UNC79: variants seen among roughly 807,000 people sequenced by gnomAD.
The protein encoded by UNC79 is protein unc-79 homolog.
Under a neutral mutation model 283.1 loss-of-function variants are expected in UNC79, and 37 were observed. The ratio of observed to expected loss-of-function variants is 0.13; its 90% CI spans 0.10 to 0.17. UNC79 has a LOEUF of 0.17. UNC79 is among the 10% of genes least tolerant of loss of function. The pLI is 1.00. For missense variants in UNC79, 2,272 were observed against 3,211.1 expected, an observed-to-expected ratio of 0.71 and a Z score of 7.07; for synonymous variants, 1,107 against 1,200.2, an observed-to-expected ratio of 0.92 and a Z score of 1.61.
At chr14:93,615,720 C>CAAAAAAAAAAAAAAA (rs1158073507) in intron 27 of UNC79, among the ~76,000 whole-genome samples, 5 of 23,284 alleles carry the variant, frequency 2.1e-4, no homozygotes, top group Non-Finnish European at 3.2e-4. Flanking sequence ...GACTCCATCT[C>CAAAAAAAAAAAAAAA]AAAAAAAAAA....
At chr14:93,562,362 G>A (rs1314023552) in intron 14 of UNC79, among the ~76,000 whole-genome samples, 2 of 152,158 alleles carry the variant, frequency 1.3e-5, no homozygotes, top group East Asian at 1.9e-4. Flanking sequence ...CTATCCTGCC[G>A]GAGGACTGGA....
intron 29 of UNC79, 144 bp downstream of exon 30, chr14:93,618,498 T>C (rs1265304518): frequency 1.1e-6 from 1 of 934,556 alleles, no homozygotes; most frequent in African/African-American, 1.7e-5. Flanking sequence ...CAACTTTCCA[T>C]GAATGTTGCT....
At chr14:93,562,356 C>A (rs139750171) in intron 14 of UNC79, among the ~76,000 whole-genome samples, 155 of 152,264 alleles carry the variant, frequency 1.0e-3, no homozygotes, top group Non-Finnish European at 1.5e-3. Flanking sequence ...TCCTGTCTAT[C>A]CTGCCGGAGG....
intron 23 of UNC79, among the ~76,000 whole-genome samples, chr14:93,596,271 G>A (rs1185159482): frequency 1.3e-5 from 2 of 152,196 alleles, no homozygotes; most frequent in Non-Finnish European, 2.9e-5. Flanking sequence ...GCCACTCTAG[G>A]AGATCAGAGA....
At chr14:93,361,211 C>CAAAAAAAAAAAAAAAAAAAAAAAA (rs58267219) in intron 1 of UNC79, among the ~76,000 whole-genome samples, 3 of 54,358 alleles carry the variant, frequency 5.5e-5, no homozygotes, top group Non-Finnish European at 9.5e-5. Context: ...GACTCTGTCT[C>CAAAAAAAAAAAAAAAAAAAAAAAA]AAAAAAAAAA....
At position 93,419,017 on chromosome 14, in the gene UNC79, G is replaced by T. The variant is rs2055530758; in HGVS notation, c.-350-48654G>T. 3.3e-5 allele frequency among the ~76,000 whole-genome samples: 5 copies of T among 151,758 alleles called. 1 individual carries two copies. Among genetic ancestry groups the T allele is most frequent in the Admixed American group, 3.3e-4 (5 of 15,242 alleles). On this transcript the variant is annotated intron_variant, in intron 1 of 49. Transcript: ENST00000256339. ...CGCCCTGTTTCGGCTCATGCACGGT[G>T]CGCTGCACCCACTGTCCTGTGCCCA...
At chr14:93,404,493 A>AAAAAATATATATATAT in intron 1 of UNC79, among the ~76,000 whole-genome samples, 8 of 61,498 alleles carry the variant, frequency 1.3e-4, no homozygotes, top group Admixed American at 9.5e-4. Context: ...TTCTAAAAAA[A>AAAAAATATATATATAT]ATATATATAT....
intron 1 of UNC79, among the ~76,000 whole-genome samples, chr14:93,336,844 C>T (rs986184872): frequency 6.6e-6 from 1 of 152,150 alleles, no homozygotes; most frequent in Non-Finnish European, 1.5e-5. Flanking sequence ...ATGTTTGTCC[C>T]CTCCAAATCT....
At position 93,342,770 on chromosome 14, in the gene UNC79, G is replaced by A. The variant is rs183449806; in HGVS notation, c.-351+9247G>A. On this transcript the variant is annotated intron_variant, in intron 1 of 49. Transcript: ENST00000256339. ...TCACATCTTGAATGCTTTGCTGCTC[G>A]GAAATTTCTTCTGCCAGATACCCTA... is the stretch of plus-strand genomic sequence containing the variant. Among the ~76,000 whole-genome samples the A allele has an allele frequency of 2.6e-4, 39 of 152,286 alleles. 1 individual carries two copies. Among genetic ancestry groups the A allele is most frequent in the Admixed American group, 1.9e-3 (29 of 15,296 alleles).
At chr14:93,582,657 A>T (rs1385115029) in intron 20 of UNC79, among the ~76,000 whole-genome samples, 1 of 152,212 alleles carries the variant, frequency 6.6e-6, no homozygotes, top group Non-Finnish European at 1.5e-5. Flanking sequence ...ACAGCCACTC[A>T]GGGCATTTGG....
intron 1 of UNC79, among the ~76,000 whole-genome samples, chr14:93,351,774 TGGCA>T (rs1411379984): frequency 1.3e-5 from 2 of 152,188 alleles, no homozygotes. Flanking sequence ...CAGGATAGGC[TGGCA>T]GGCAGGAAGA....
At chr14:93,557,312 C>A (rs142790701) in intron 14 of UNC79, among the ~76,000 whole-genome samples, 3 of 152,074 alleles carry the variant, frequency 2.0e-5, no homozygotes, top group Admixed American at 6.6e-5. Context: ...GTGTCTTTGC[C>A]GGTATCTTAG....
intron 38 of UNC79, among the ~76,000 whole-genome samples, chr14:93,656,071 C>T (rs1475100531): frequency 6.6e-6 from 1 of 152,178 alleles, no homozygotes; most frequent in African/African-American, 2.4e-5. Flanking sequence ...CTTCTGGAAA[C>T]AACACAGTGG....
At chr14:93,558,919 TC>T (rs1595866068) in intron 14 of UNC79, among the ~76,000 whole-genome samples, 1 of 152,094 alleles carries the variant, frequency 6.6e-6, no homozygotes, top group African/African-American at 2.4e-5. Flanking sequence ...GAATAAGATG[TC>T]AAATTAAACA....
chr14:93,396,296 T>C (rs1422576013), intron 1 of UNC79, among the ~76,000 whole-genome samples: 2 of 152,116 alleles, frequency 1.3e-5, no homozygotes, highest in African/African-American at 2.4e-5. Flanking sequence ...AAGTTGATAT[T>C]TTCTATTTAG....
intron 14 of UNC79, among the ~76,000 whole-genome samples, chr14:93,555,218 T>C (rs2062100563): frequency 6.6e-6 from 1 of 152,226 alleles, no homozygotes; most frequent in Non-Finnish European, 1.5e-5. Flanking sequence ...AAAGTGTTTA[T>C]TTTTCTGATA....
intron 1 of UNC79, among the ~76,000 whole-genome samples, chr14:93,377,686 A>G (rs1268514696): frequency 1.3e-5 from 2 of 152,222 alleles, no homozygotes. Context: ...GTGGAATCCA[A>G]TGTATATTGG....
At chr14:93,604,897 T>G (rs1450323310) in intron 26 of UNC79, 13 of 1,579,544 alleles carry the variant, frequency 8.2e-6, no homozygotes, top group Non-Finnish European at 8.5e-7. Context: ...ATTTTTAAGC[T>G]ATGAGGTTGA....
In UNC79 at chr14:93,645,625, C is replaced by T. The variant is rs556131734; in HGVS notation, c.6045-983C>T. ...CCAAGAGTTTGTAAGCTCAGCATAA[C>T]GCTTTCGTGGATCACTCAAGCTTTT... On this transcript the variant is annotated intron_variant, in intron 34 of 48. Coordinates refer to ENST00000555664, the Ensembl canonical transcript of UNC79. 4.9e-4 allele frequency among the ~76,000 whole-genome samples: 75 copies of T among 152,250 alleles called. 1 individual carries two copies. Among genetic ancestry groups the T allele is most frequent in the African/African-American group, 1.6e-3 (65 of 41,546 alleles).
Sources: gnomAD v4.1 joint callset for allele counts (sites outside exome capture counted in the v4.1 genomes callset) on GRCh38, gnomAD v4.1.1 for gene constraint, MANE v1.5 for transcripts, NCBI Gene and HGNC (gene_info 2026-07-23, HGNC 2026-07-21) for gene names.